Variants in PARD3B observed in about 807,000 individuals in gnomAD.
PARD3B encodes the protein par-3 family cell polarity regulator beta.
A neutral mutation model predicts 130.2 loss-of-function variants in PARD3B; 103 were observed. That is an observed-to-expected ratio of 0.79 (90% CI 0.67 to 0.93). The LOEUF (loss-of-function observed/expected upper bound fraction) is 0.93. Ranked by LOEUF, PARD3B falls within the 40% of genes least tolerant of loss-of-function variation. The pLI, the probability that PARD3B is intolerant of heterozygous loss-of-function variation, is 0.00. For missense variants in PARD3B, 1,609 were observed against 1,499.2 expected (o/e 1.07, Z -1.21); for synonymous variants, 583 against 553.2 (o/e 1.05, Z -0.76).
At chr2:204,755,537 G>A (rs1467860738) in intron 2 of PARD3B, among the ~76,000 whole-genome samples, 1 of 151,992 alleles carries the variant, frequency 6.6e-6, no homozygotes, top group Non-Finnish European at 1.5e-5. Context: ...GACATTTTTT[G>A]TTCAATGACA....
intron 2 of PARD3B, among the ~76,000 whole-genome samples, chr2:204,790,427 TC>T (rs1444145185): frequency 6.6e-6 from 1 of 152,348 alleles, no homozygotes; most frequent in East Asian, 1.9e-4. Flanking sequence ...AATCTTTGAA[TC>T]ATTAAATAAC....
chr2:205,109,748 G>T (rs1354008752), intron 5 of PARD3B, among the ~76,000 whole-genome samples: 1 of 150,948 alleles, frequency 6.6e-6, no homozygotes, highest in Non-Finnish European at 1.5e-5. Context: ...CTGCCTCCTG[G>T]GTTCAAGTGA....
intron 2 of PARD3B, among the ~76,000 whole-genome samples, chr2:204,876,935 T>G (rs943247627): frequency 1.1e-4 from 16 of 152,178 alleles, no homozygotes; most frequent in Non-Finnish European, 2.4e-4. Context: ...CACGTACACA[T>G]GTATTCTTTT....
chr2:204,594,520 A>C (rs1400565926), intron 1 of PARD3B, among the ~76,000 whole-genome samples: 1 of 152,206 alleles, frequency 6.6e-6, no homozygotes, highest in African/African-American at 2.4e-5. Flanking sequence ...ATTTTGCCCA[A>C]GATCAAACGT....
intron 19 of PARD3B, among the ~76,000 whole-genome samples, chr2:205,402,992 C>T (rs2046304131): frequency 6.6e-6 from 1 of 152,122 alleles, no homozygotes; most frequent in African/African-American, 2.4e-5. Flanking sequence ...TGGCATTGCT[C>T]CCAACCCTGG....
intron 1 of PARD3B, among the ~76,000 whole-genome samples, chr2:204,648,648 ATAT>A (rs2035363216): frequency 1.7e-5 from 2 of 116,536 alleles, no homozygotes; most frequent in African/African-American, 6.8e-5. Flanking sequence ...TATATTATAT[ATAT>A]AATATATTTA....
chr2:205,257,826 T>C (rs1008866239), intron 16 of PARD3B, among the ~76,000 whole-genome samples: 5 of 152,168 alleles, frequency 3.3e-5, no homozygotes, highest in Non-Finnish European at 7.4e-5. Flanking sequence ...ATTTCCATAG[T>C]TTCTGTCATG....
chr2:204,964,742 C>T (rs1409157697), intron 2 of PARD3B, among the ~76,000 whole-genome samples: 3 of 152,146 alleles, frequency 2.0e-5, no homozygotes, highest in South Asian at 2.1e-4. Flanking sequence ...CTGGAATAAC[C>T]TCCCTATACT....
At chr2:204,903,203 A>G (rs1207104155) in intron 2 of PARD3B, among the ~76,000 whole-genome samples, 1 of 152,258 alleles carries the variant, frequency 6.6e-6, no homozygotes, top group African/African-American at 2.4e-5. Flanking sequence ...GGCAGAAAAC[A>G]TACTAGGATT....
At chr2:205,531,692 A>C (rs926283997) in intron 21 of PARD3B, among the ~76,000 whole-genome samples, 2 of 151,988 alleles carry the variant, frequency 1.3e-5, no homozygotes, top group East Asian at 3.9e-4. Flanking sequence ...ATGTCCTAAC[A>C]CCACTCTCAG....
chr2:205,344,568 C>T lies in PARD3B; in HGVS notation c.2630+42867C>T, dbSNP rs543458331. 2.6e-5 allele frequency among the ~76,000 whole-genome samples: 4 copies of T among 152,304 alleles called. No homozygotes were observed. The South Asian group carries it at 6.2e-4, about 24-fold the overall frequency. On this transcript the variant is annotated intron_variant, in intron 18 of 22. Transcript: ENST00000406610. ...CCAGGTAGTCCTTGATTTTGTGTGT[C>T]TGACTTCAACCCTTTTCTATGGGCA...
At chr2:204,714,916 C>T (rs907871888) in intron 2 of PARD3B, among the ~76,000 whole-genome samples, 3 of 152,192 alleles carry the variant, frequency 2.0e-5, no homozygotes, top group African/African-American at 7.2e-5. Flanking sequence ...AATGATATTA[C>T]ATTTAATGGC....
chr2:204,631,115 T>G (rs2034663878), intron 1 of PARD3B, among the ~76,000 whole-genome samples: 1 of 152,192 alleles, frequency 6.6e-6, no homozygotes, highest in South Asian at 2.1e-4. Flanking sequence ...CTCTTAACAC[T>G]GCTTTAGCTG....
intron 2 of PARD3B, among the ~76,000 whole-genome samples, chr2:204,863,741 T>G (rs1056574955): frequency 1.3e-5 from 2 of 152,232 alleles, no homozygotes; most frequent in African/African-American, 4.8e-5. Flanking sequence ...GATCTCAATG[T>G]GCATGAAATT....
chr2:204,698,983 A>G (rs1296181926), intron 2 of PARD3B, among the ~76,000 whole-genome samples: 1 of 152,160 alleles, frequency 6.6e-6, no homozygotes, highest in African/African-American at 2.4e-5. Context: ...ACTCAGAGTG[A>G]AGTATAATAA....
At chr2:204,660,126 C>T (rs146977240) in intron 1 of PARD3B, among the ~76,000 whole-genome samples, 1 of 152,242 alleles carries the variant, frequency 6.6e-6, no homozygotes, top group African/African-American at 2.4e-5. Context: ...ATTTCTTTTT[C>T]ATCTGCTTCC....
chr2:205,223,623 AAACCAACC>A (rs202193142), intron 15 of PARD3B, among the ~76,000 whole-genome samples: 2 of 151,822 alleles, frequency 1.3e-5, no homozygotes, highest in African/African-American at 2.4e-5. Flanking sequence ...GTATTCAAAA[AAACCAACC>A]AACCAACCAA....
intron 2 of PARD3B, among the ~76,000 whole-genome samples, chr2:204,748,917 T>G (rs1049845990): frequency 1.3e-5 from 2 of 152,194 alleles, no homozygotes; most frequent in Non-Finnish European, 2.9e-5. Context: ...TGATAGAATT[T>G]CAGTTTGTTG....
At chr2:205,191,448 G>T (rs1465650066) in intron 14 of PARD3B, among the ~76,000 whole-genome samples, 4 of 152,090 alleles carry the variant, frequency 2.6e-5, no homozygotes, top group African/African-American at 2.4e-5. Flanking sequence ...AGAGAAAAGG[G>T]CTCCTAGTCA....
Sources: gnomAD v4.1 joint callset for allele counts (sites outside exome capture counted in the v4.1 genomes callset) on GRCh38, gnomAD v4.1.1 for gene constraint, MANE v1.5 for transcripts, NCBI Gene and HGNC (gene_info 2026-07-23, HGNC 2026-07-21) for gene names.